CNTNAP4: variants seen among roughly 807,000 people sequenced by gnomAD.
CNTNAP4 encodes the protein contactin associated protein family member 4.
A neutral mutation model predicts 148.4 loss-of-function variants in CNTNAP4; 98 were observed. The observed-to-expected ratio is 0.66, with a 90% confidence interval of 0.56 to 0.78. CNTNAP4 has a LOEUF of 0.78. Among genes scored for constraint, CNTNAP4 ranks in the 30% least tolerant of loss-of-function variants. The probability of loss-of-function intolerance (pLI) is 0.00; values close to 1 mark genes in which losing one functional copy is unlikely to be tolerated. For synonymous variants in CNTNAP4, 730 were observed against 565.1 expected, an observed-to-expected ratio of 1.29 and a Z score of -4.14; for missense variants, 1,935 against 1,565.6, an observed-to-expected ratio of 1.24 and a Z score of -3.98.
intron 3 of CNTNAP4, among the ~76,000 whole-genome samples, chr16:76,373,628 C>CT (rs567420659): frequency 2.4e-4 from 36 of 152,228 alleles, no homozygotes; most frequent in African/African-American, 8.4e-4. Context: ...AGTGGCTCAT[C>CT]TCATGCCTGT....
chr16:76,392,458 A>G lies in CNTNAP4; in HGVS notation c.391-34994A>G, dbSNP rs569901002. 2.0e-5 allele frequency among the ~76,000 whole-genome samples: 3 copies of G among 152,336 alleles called. No individual in the cohort carries two copies. The South Asian group carries it at 6.2e-4, about 32-fold the overall frequency. On this transcript the variant is annotated intron_variant, in intron 3 of 23. Coordinates refer to ENST00000611870, the MANE Select transcript of CNTNAP4 (RefSeq NM_033401.5). ...AGAAAGAAAAATAGCTACTAGAGAA[A>G]TAAGGATACAGAATTCCGCAAATCT...
chr16:76,510,469 C>CTT (rs58556090), intron 15 of CNTNAP4, among the ~76,000 whole-genome samples: 79,881 of 149,150 alleles, frequency 0.54, 24,486 homozygotes, highest in East Asian at 0.77. Context: ...TCCATGTATG[C>CTT]TTTTTTTTTT....
intron 12 of CNTNAP4, among the ~76,000 whole-genome samples, chr16:76,486,757 T>C (rs2082044628): frequency 6.6e-6 from 1 of 152,178 alleles, no homozygotes. Context: ...CCAAAGTCTC[T>C]CTATCACTGT....
chr16:76,352,864 G>C (rs1165954435), intron 2 of CNTNAP4, among the ~76,000 whole-genome samples: 1 of 152,010 alleles, frequency 6.6e-6, no homozygotes, highest in Non-Finnish European at 1.5e-5. Flanking sequence ...GATCATTCAA[G>C]AACACATTCC....
chr16:76,428,607 A>G (rs1024416548), intron 4 of CNTNAP4, among the ~76,000 whole-genome samples: 1 of 152,090 alleles, frequency 6.6e-6, no homozygotes, highest in Admixed American at 6.6e-5. Context: ...GAGAGATCAC[A>G]TTGCATGGTT....
intron 15 of CNTNAP4, among the ~76,000 whole-genome samples, chr16:76,502,377 T>G (rs1004876321): frequency 6.6e-6 from 1 of 151,952 alleles, no homozygotes; most frequent in African/African-American, 2.4e-5. Flanking sequence ...GTACTTTTTT[T>G]TTTTTTTTTT....
chr16:76,496,104 T>TGTGTGTGTGTGC (rs770815373), intron 14 of CNTNAP4, among the ~76,000 whole-genome samples: 10 of 150,646 alleles, frequency 6.6e-5, no homozygotes, highest in Non-Finnish European at 1.3e-4. Flanking sequence ...TGTGTGTGTG[T>TGTGTGTGTGTGC]GTGCGTGTAT....
intron 4 of CNTNAP4, among the ~76,000 whole-genome samples, chr16:76,434,235 G>C (rs2079729822): frequency 6.6e-6 from 1 of 151,704 alleles, no homozygotes; most frequent in Non-Finnish European, 1.5e-5. Flanking sequence ...TCGTTAAGTA[G>C]TTATTAAGGT....
intron 3 of CNTNAP4, among the ~76,000 whole-genome samples, chr16:76,388,866 C>G (rs1567965737): frequency 6.6e-6 from 1 of 152,162 alleles, no homozygotes; most frequent in African/African-American, 2.4e-5. Flanking sequence ...TCCCAACATG[C>G]TCTGCTTCCA....
rs554914011 is a variant in CNTNAP4 at position 76,535,728 on chromosome 16, T to C, written c.2939T>C (p.Ile980Thr). The change falls in exon 18 of 24, where the codon ATT becomes ACT. Residue 980 changes from isoleucine (I) to threonine (T), a missense_variant. Physicochemically the swap from Ile to Thr is moderately conservative, Grantham distance 89. Transcript: ENST00000611870. Reference protein sequence around the residue: ...RNGGKCRERPIGFFCDCTFSA... With the variant: ...RNGGKCRERPTGFFCDCTFSA... ...GGAGGGAAATGCAGAGAAAGACCCATTGGGTTCTTTTGTGACTGCACTTTC... is the reference window on the plus strand; with the variant it reads ...GGAGGGAAATGCAGAGAAAGACCCACTGGGTTCTTTTGTGACTGCACTTTC... The C allele has an allele frequency of 5.8e-5, 93 of 1,613,848 alleles. No individual in the cohort carries two copies. The highest frequency in any genetic ancestry group is 7.4e-5 in the Non-Finnish European group (87 of 1,179,792).
chr16:76,358,096 G>A (rs2012929628), intron 3 of CNTNAP4, among the ~76,000 whole-genome samples: 1 of 152,190 alleles, frequency 6.6e-6, no homozygotes, highest in Non-Finnish European at 1.5e-5. Flanking sequence ...GGCTTTGGGA[G>A]GCCAAGGTGG....
intron 1 of CNTNAP4, among the ~76,000 whole-genome samples, chr16:76,290,268 G>C (rs572852565): frequency 3.2e-4 from 48 of 152,264 alleles, no homozygotes; most frequent in African/African-American, 1.1e-3. Context: ...CTTTGAAATG[G>C]AAAGTGCCCA....
At chr16:76,426,301 T>A (rs2079399929) in intron 3 of CNTNAP4, among the ~76,000 whole-genome samples, 1 of 152,122 alleles carries the variant, frequency 6.6e-6, no homozygotes, top group Non-Finnish European at 1.5e-5. Flanking sequence ...ATACCCTGGG[T>A]ATTGGTGTTT....
intron 15 of CNTNAP4, among the ~76,000 whole-genome samples, chr16:76,516,105 C>G (rs544621163): frequency 2.0e-5 from 3 of 151,372 alleles, no homozygotes; most frequent in South Asian, 2.1e-4. Flanking sequence ...CCCCCACCCC[C>G]CAACAGGCCC....
Position 76,553,370 on chromosome 16 carries a change from CCCCTCTGAAGGCAGCTCTGCA to C in CNTNAP4, c.3534_3554del (p.Leu1179_Pro1185del). On this transcript the variant is annotated inframe_deletion, in exon 22 of 24. Transcript: ENST00000611870. ...TCTGCAGTGCAGCTCAGCCACGTGG[CCCCTCTGAAGGCAGCTCTGCA>C]CCCCAGCCACCCAGACCCTGTCACT... 1 of 1,612,656 alleles carries C rather than the reference CCCCTCTGAAGGCAGCTCTGCA, an allele frequency of 6.2e-7. No homozygotes were observed. The highest frequency in any genetic ancestry group is 8.5e-7 in the Non-Finnish European group (1 of 1,179,226).
chr16:76,403,208 TCAGCCTCCTGAGTAGCTGGGACTACAGG>T (rs1200459324), intron 3 of CNTNAP4, among the ~76,000 whole-genome samples: 2 of 151,742 alleles, frequency 1.3e-5, no homozygotes, highest in African/African-American at 2.4e-5. Flanking sequence ...TTCTCCTGCC[TCAGCCTCCTGAGTAGCTGGGACTACAGG>T]CACCTGCCAC....
At chr16:76,411,897 T>C (rs557152108) in intron 3 of CNTNAP4, among the ~76,000 whole-genome samples, 1 of 151,566 alleles carries the variant, frequency 6.6e-6, no homozygotes, top group South Asian at 2.1e-4. Flanking sequence ...GAAAATGCTA[T>C]GTAAATGTTA....
chr16:76,296,993 A>G (rs1029317864), intron 1 of CNTNAP4, among the ~76,000 whole-genome samples: 1 of 152,226 alleles, frequency 6.6e-6, no homozygotes, highest in Non-Finnish European at 1.5e-5. Flanking sequence ...ATATCCAGCC[A>G]TGAAGAAAAA....
intron 4 of CNTNAP4, among the ~76,000 whole-genome samples, chr16:76,446,818 A>G (rs1010492191): frequency 2.6e-5 from 4 of 152,338 alleles, no homozygotes; most frequent in East Asian, 1.9e-4. Flanking sequence ...ATATTTGTGT[A>G]TAGACCTCGT....
Sources: gnomAD v4.1 joint callset for allele counts (sites outside exome capture counted in the v4.1 genomes callset) on GRCh38, gnomAD v4.1.1 for gene constraint, MANE v1.5 for transcripts, NCBI Gene and HGNC (gene_info 2026-07-23, HGNC 2026-07-21) for gene names.